SDK1: variants seen among roughly 807,000 people sequenced by gnomAD.
SDK1 encodes the protein protein sidekick-1.
In SDK1, 157 loss-of-function variants were observed where a neutral mutation model predicts 245.5. The ratio of observed to expected loss-of-function variants is 0.64; its 90% CI spans 0.56 to 0.73. SDK1 has a LOEUF of 0.73. SDK1 is among the 30% of genes least tolerant of loss of function. The pLI, the probability that SDK1 is intolerant of heterozygous loss-of-function variation, is 0.00. For missense variants in SDK1, 3,583 were observed against 3,002.3 expected (o/e 1.19, Z -4.52); for synonymous variants, 1,647 against 1,278.5 (o/e 1.29, Z -6.15).
intron 17 of SDK1, among the ~76,000 whole-genome samples, chr7:4,029,848 A>T (rs955950900): frequency 2.0e-5 from 3 of 152,204 alleles, no homozygotes; most frequent in African/African-American, 7.2e-5. Flanking sequence ...AATCAAAAAT[A>T]AATTGCTTTG....
In SDK1 at chr7:3,419,976, G is replaced by C. The variant is rs1583830643; in HGVS notation, c.298+118092G>C. On this transcript the variant is annotated intron_variant, in intron 1 of 44. Coordinates refer to ENST00000404826, the MANE Select transcript of SDK1 (RefSeq NM_152744.4). Reference sequence around the variant, plus strand: ...GTGGCTCAGAAGTAGGTAATAATGAGAAATGCACCCAACCTCTGTGACTGT... The same window carrying C: ...GTGGCTCAGAAGTAGGTAATAATGACAAATGCACCCAACCTCTGTGACTGT... Among the ~76,000 whole-genome samples, 3 of 152,302 alleles carry C rather than the reference G, an allele frequency of 2.0e-5. No individual in the cohort carries two copies. The South Asian group carries it at 6.2e-4, about 32-fold the overall frequency.
chr7:3,416,716 G>T (rs970392052), intron 1 of SDK1, among the ~76,000 whole-genome samples: 1 of 152,080 alleles, frequency 6.6e-6, no homozygotes, highest in Non-Finnish European at 1.5e-5. Flanking sequence ...CTGACGTCAG[G>T]CTTAAGCTGT....
In SDK1 at chr7:3,982,042, G is replaced by C. The variant is rs535013386; in HGVS notation, c.1995-5144G>C. The stretch of plus-strand genomic sequence containing the variant: ...ATGTCTGGTTTCAAAGCTTCAAAGG[G>C]CAGGCTGACTCTCTTGTTAGGGGCT... On this transcript the variant is annotated intron_variant, in intron 13 of 44. Transcript: ENST00000404826. Among the ~76,000 whole-genome samples, 35 of 152,288 alleles carry C rather than the reference G, an allele frequency of 2.3e-4. No homozygotes were observed. The South Asian group carries it at 7.3e-3, about 32-fold the overall frequency.
chr7:3,345,988 C>T (rs996933084), intron 1 of SDK1, among the ~76,000 whole-genome samples: 2 of 152,116 alleles, frequency 1.3e-5, no homozygotes. Context: ...TAAAACAGTT[C>T]TTTTAGAATA....
In SDK1 at chr7:4,030,637, C is replaced by G. The variant is rs117319614; in HGVS notation, c.2602+13285C>G. ...CGCCTTGGTGCTATGAAGCTTCACACAAGAAGCGTTCGGCACCAACATTCA... is the reference window on the plus strand; with the variant it reads ...CGCCTTGGTGCTATGAAGCTTCACAGAAGAAGCGTTCGGCACCAACATTCA... On this transcript the variant is annotated intron_variant, in intron 17 of 44. Coordinates refer to ENST00000404826, the MANE Select transcript of SDK1 (RefSeq NM_152744.4). Among the ~76,000 whole-genome samples the G allele has an allele frequency of 5.3e-3, 814 of 152,326 alleles. 6 individuals carry two copies. The highest frequency in any genetic ancestry group is 0.039 in the South Asian group (188 of 4,824).
At chr7:3,319,443 T>C (rs1779740019) in intron 1 of SDK1, among the ~76,000 whole-genome samples, 1 of 152,156 alleles carries the variant, frequency 6.6e-6, no homozygotes. Flanking sequence ...TGTGTTCCCA[T>C]CTACACCCAT....
chr7:3,940,241 A>G (rs754174748), intron 5 of SDK1, among the ~76,000 whole-genome samples: 2 of 152,224 alleles, frequency 1.3e-5, no homozygotes, highest in Non-Finnish European at 2.9e-5. Flanking sequence ...ACAGAACTGA[A>G]CAGAATAGTG....
At chr7:3,420,218 A>G (rs936267354) in intron 1 of SDK1, among the ~76,000 whole-genome samples, 2 of 152,250 alleles carry the variant, frequency 1.3e-5, no homozygotes, top group Non-Finnish European at 2.9e-5. Context: ...TTATTGTCAT[A>G]TTAGCATTGG....
intron 4 of SDK1, among the ~76,000 whole-genome samples, chr7:3,724,859 G>T (rs918278281): frequency 6.6e-6 from 1 of 152,216 alleles, no homozygotes; most frequent in Non-Finnish European, 1.5e-5. Context: ...CCCTTCCACC[G>T]AAGAGAACTT....
intron 22 of SDK1, among the ~76,000 whole-genome samples, chr7:4,091,412 G>C (rs1054759773): frequency 2.0e-5 from 3 of 146,638 alleles, no homozygotes; most frequent in African/African-American, 7.8e-5. Context: ...TCAGGATCTG[G>C]GCTCACTGCA....
intron 1 of SDK1, among the ~76,000 whole-genome samples, chr7:3,481,665 T>A (rs1781527051): frequency 6.6e-6 from 1 of 152,180 alleles, no homozygotes; most frequent in African/African-American, 2.4e-5. Flanking sequence ...TTGGGAAAGG[T>A]CACGGCTCGT....
chr7:3,352,846 G>C (rs1469061533), intron 1 of SDK1, among the ~76,000 whole-genome samples: 1 of 151,982 alleles, frequency 6.6e-6, no homozygotes, highest in Non-Finnish European at 1.5e-5. Context: ...GGGAGGAAAT[G>C]AGTTCTGTCC....
chr7:3,574,784 A>G (rs1488726785), intron 1 of SDK1, among the ~76,000 whole-genome samples: 1 of 152,164 alleles, frequency 6.6e-6, no homozygotes, highest in South Asian at 2.1e-4. Flanking sequence ...AAAGGCAGAA[A>G]TAAGGAGACA....
Position 3,605,892 on chromosome 7 carries a change from G to GT in SDK1, c.299-13178dup, listed in dbSNP as rs921952206. The stretch of plus-strand genomic sequence containing the variant: ...TGTATGTTTCATGTCTTTGACAAAA[G>GT]TTTTTTTTTTAATTGATGATTTTTT... On this transcript the variant is annotated intron_variant, in intron 1 of 44. Transcript: ENST00000404826. Among the ~76,000 whole-genome samples the GT allele has an allele frequency of 1.9e-4, 29 of 148,934 alleles. 1 individual carries two copies. The highest frequency in any genetic ancestry group is 1.9e-3 in the South Asian group (9 of 4,696).
At chr7:3,669,038 C>T (rs975681369) in intron 4 of SDK1, among the ~76,000 whole-genome samples, 10 of 152,126 alleles carry the variant, frequency 6.6e-5, no homozygotes, top group Admixed American at 2.6e-4. Context: ...AGAAGTTTAC[C>T]ACTTACCAAA....
chr7:3,703,572 C>G (rs1046445927), intron 4 of SDK1, among the ~76,000 whole-genome samples: 1 of 152,124 alleles, frequency 6.6e-6, no homozygotes, highest in African/African-American at 2.4e-5. Flanking sequence ...GATAAAGTGA[C>G]AGAGCTATAC....
chr7:3,541,122 T>C (rs1033328325), intron 1 of SDK1, among the ~76,000 whole-genome samples: 3 of 152,246 alleles, frequency 2.0e-5, no homozygotes, highest in Admixed American at 2.0e-4. Flanking sequence ...ATACATGCAT[T>C]CTGATTCGAA....
intron 4 of SDK1, among the ~76,000 whole-genome samples, chr7:3,666,365 C>A (rs1224943648): frequency 6.6e-6 from 1 of 152,204 alleles, no homozygotes; most frequent in Admixed American, 6.5e-5. Flanking sequence ...CACATGCCGT[C>A]CCCCTGCCTG....
intron 1 of SDK1, among the ~76,000 whole-genome samples, chr7:3,501,401 A>G (rs867839206): frequency 1.3e-5 from 2 of 151,928 alleles, no homozygotes; most frequent in South Asian, 2.1e-4. Context: ...TGATCAGGAC[A>G]GTTTCAAAGT....
Sources: allele counts gnomAD v4.1 joint callset (sites outside exome capture counted in the v4.1 genomes callset), GRCh38; gene constraint gnomAD v4.1.1; transcripts MANE v1.5; gene names NCBI Gene and HGNC (gene_info 2026-07-23, HGNC 2026-07-21).